MGLL: variants seen among roughly 807,000 people sequenced by gnomAD.
The protein encoded by MGLL is monoglyceride lipase.
MGLL carries 7 observed loss-of-function variants against 29.1 expected under a neutral mutation model. The ratio of observed to expected loss-of-function variants is 0.24; its 90% confidence interval spans 0.14 to 0.45. The LOEUF (loss-of-function observed/expected upper bound fraction) is 0.45. Among genes scored for constraint, MGLL ranks in the 20% least tolerant of loss-of-function variants. MGLL has a pLI of 0.99. For missense variants in MGLL, 356 were observed against 413.6 expected (o/e 0.86, Z 1.21); for synonymous variants, 148 against 168.3 (o/e 0.88, Z 0.93).
chr3:127,702,701 T>G (rs891345685), intron 6 of MGLL, among the ~76,000 whole-genome samples: 1 of 152,186 alleles, frequency 6.6e-6, no homozygotes, highest in Non-Finnish European at 1.5e-5. Flanking sequence ...TCTGTTTGTT[T>G]GTTTGTTTTT....
At chr3:127,700,481 G>A (rs1411636376) in intron 6 of MGLL, among the ~76,000 whole-genome samples, 1 of 152,102 alleles carries the variant, frequency 6.6e-6, no homozygotes, top group Non-Finnish European at 1.5e-5. Context: ...GCCTCACTTG[G>A]CCTGGTCTGC....
intron 2 of MGLL, among the ~76,000 whole-genome samples, chr3:127,814,575 G>A (rs1371830485): frequency 6.6e-6 from 1 of 152,208 alleles, no homozygotes; most frequent in African/African-American, 2.4e-5. Flanking sequence ...AGACAATGGT[G>A]GACAAAGGTT....
intron 2 of MGLL, among the ~76,000 whole-genome samples, chr3:127,790,265 C>T (rs868393828): frequency 2.0e-4 from 31 of 152,320 alleles, no homozygotes; most frequent in African/African-American, 5.8e-4. Flanking sequence ...GAGTGAAACA[C>T]GAGCCCAGCG....
At chr3:127,809,600 TG>T (rs927823872) in intron 2 of MGLL, among the ~76,000 whole-genome samples, 1 of 151,354 alleles carries the variant, frequency 6.6e-6, no homozygotes, top group African/African-American at 2.4e-5. Context: ...CACTCTAGCC[TG>T]GGTGACAGAG....
chr3:127,821,779 T>A lies in MGLL; in HGVS notation c.70A>T (p.Ile24Phe). 6.2e-7 allele frequency: 1 copy of A among 1,614,144 alleles called. No individual in the cohort carries two copies. Among genetic ancestry groups the A allele is most frequent in the Non-Finnish European group, 8.5e-7 (1 of 1,179,990 alleles). Residue 24 changes from isoleucine to phenylalanine, a missense_variant, in exon 2 of 8, where the codon ATT becomes TTT. By Grantham distance (21) the Ile-to-Phe change is conservative. Transcript: ENST00000265052. ...ESSPRRTPQS[I>F]PYQDLPHLVN... ...AGGTGAGGGAGGTCCTGGTAGGGAA[T>A]GCTCTGCGGGGTCCGCCTGGGGGAA... is the stretch of plus-strand genomic sequence containing the variant.
Position 127,721,075 on chromosome 3 carries a change from G to A in MGLL, c.488C>T (p.Pro163Leu). The change falls in exon 5 of 8, where the codon CCT becomes CTT. Residue 163 changes from proline (P) to leucine (L), a missense_variant. By Grantham distance (98) the Pro-to-Leu change is moderately conservative. Transcript: ENST00000265052. ...VLISPLVLANPESATTFKVLA... is the reference protein window; with the variant it reads ...VLISPLVLANLESATTFKVLA... ...TACCTTGAAAGTTGTTGCAGATTCA[G>A]GATTGGCAAGAACCAGAGGCGAAAT... 5.0e-6 allele frequency: 8 copies of A among 1,614,258 alleles called. No homozygotes were observed. The highest frequency in any genetic ancestry group is 6.8e-6 in the Non-Finnish European group (8 of 1,180,046).
At chr3:127,692,751 T>G (rs2075271855) in intron 7 of MGLL, among the ~76,000 whole-genome samples, 1 of 152,162 alleles carries the variant, frequency 6.6e-6, no homozygotes, top group Non-Finnish European at 1.5e-5. Context: ...GGGACCTCCA[T>G]TGCTGTGGCA....
At chr3:127,806,752 C>T (rs374666684) in intron 2 of MGLL, among the ~76,000 whole-genome samples, 3 of 151,958 alleles carry the variant, frequency 2.0e-5, no homozygotes, top group African/African-American at 2.4e-5. Context: ...TAGGGCCAGG[C>T]GCGGTGGCTC....
rs920082781 is a variant in MGLL, at chr3:127,792,606, G to A, written c.156-10711C>T. On this transcript the variant is annotated intron_variant, in intron 2 of 7. Transcript: ENST00000265052. ...TAGTCCCAGCTGCTCAGGAGGCTGA[G>A]GCAGGAGAATCACTTGAACCCGGGA... Among the ~76,000 whole-genome samples, 100 of 152,176 alleles carry A rather than the reference G, an allele frequency of 6.6e-4. 1 individual carries two copies. The highest frequency in any genetic ancestry group is 2.6e-4 in the Admixed American group (4 of 15,286).
chr3:127,729,412 C>A (rs1210939312), intron 3 of MGLL, among the ~76,000 whole-genome samples: 2 of 152,136 alleles, frequency 1.3e-5, no homozygotes, highest in Non-Finnish European at 2.9e-5. Flanking sequence ...ACATTCGAAT[C>A]TTTGACCCAT....
At chr3:127,787,838 C>T (rs899593964) in intron 2 of MGLL, among the ~76,000 whole-genome samples, 4 of 152,222 alleles carry the variant, frequency 2.6e-5, no homozygotes, top group Non-Finnish European at 4.4e-5. Flanking sequence ...CAAATTTGAC[C>T]GGCACGTCTG....
rs2075200039 is a variant in MGLL, at chr3:127,689,072, A to G, written c.*3126T>C. 6.6e-6 allele frequency: 1 copy of G among 152,220 alleles called. No homozygotes were observed. The highest frequency in any genetic ancestry group is 6.5e-5 in the Admixed American group (1 of 15,292). 9.4% of individuals were successfully genotyped at this position (152,220 alleles called of 1,614,324 possible). On this transcript the variant is annotated 3_prime_UTR_variant, in exon 8 of 8. Transcript: ENST00000265052. ...GATGGACAGACAGACGCCATTCCGAAAACATCGGATTTATTAGGATTAGCT... is the reference window on the plus strand; with the variant it reads ...GATGGACAGACAGACGCCATTCCGAGAACATCGGATTTATTAGGATTAGCT...
chr3:127,726,119 GGAAAGAAA>G (rs869029966), intron 3 of MGLL, among the ~76,000 whole-genome samples: 1,182 of 75,108 alleles, frequency 0.016, 14 homozygotes, highest in Admixed American at 0.026. Context: ...AAAGAAAGCA[GGAAAGAAA>G]GAAAGAAAGA....
chr3:127,741,714 T>G (rs1409853371), intron 3 of MGLL, among the ~76,000 whole-genome samples: 1 of 152,216 alleles, frequency 6.6e-6, no homozygotes, highest in African/African-American at 2.4e-5. Context: ...GCCCTTCTAC[T>G]AGACAAAGCC....
chr3:127,811,139 T>C (rs755850244), intron 2 of MGLL, among the ~76,000 whole-genome samples: 1 of 149,254 alleles, frequency 6.7e-6, no homozygotes, highest in Non-Finnish European at 1.5e-5. Flanking sequence ...CTTATATTCT[T>C]TTCCTGCAAA....
At chr3:127,727,240 T>C (rs1298614454) in intron 3 of MGLL, among the ~76,000 whole-genome samples, 1 of 152,206 alleles carries the variant, frequency 6.6e-6, no homozygotes, top group Non-Finnish European at 1.5e-5. Context: ...GAGCCCCACT[T>C]CCTTTCAGTG....
intron 5 of MGLL, among the ~76,000 whole-genome samples, chr3:127,718,668 C>T (rs1192203351): frequency 6.6e-6 from 1 of 152,140 alleles, no homozygotes; most frequent in Non-Finnish European, 1.5e-5. Flanking sequence ...GGAGCAAGCT[C>T]CCATTTGTGT....
intron 6 of MGLL, among the ~76,000 whole-genome samples, chr3:127,705,748 C>T (rs1332696361): frequency 6.7e-6 from 1 of 149,754 alleles, no homozygotes; most frequent in Non-Finnish European, 1.5e-5. Context: ...TGCACTCCAG[C>T]CTGGGCGACG....
At chr3:127,694,218 C>T (rs184806851) in intron 7 of MGLL, among the ~76,000 whole-genome samples, 16 of 140,994 alleles carry the variant, frequency 1.1e-4, no homozygotes, top group Middle Eastern at 4.0e-3. Context: ...TGCTGTGAGC[C>T]GAGATGGCGC....
Sources: gnomAD v4.1 joint callset for allele counts (sites outside exome capture counted in the v4.1 genomes callset) on GRCh38, gnomAD v4.1.1 for gene constraint, MANE v1.5 for transcripts, NCBI Gene and HGNC (gene_info 2026-07-23, HGNC 2026-07-21) for gene names.